The following ATXN10 variants were observed in gnomAD, a reference collection of about 807,000 sequenced individuals.
ATXN10 encodes ataxin 10.
In ATXN10, 28 loss-of-function variants were observed where a neutral mutation model predicts 52.9. The ratio of observed to expected loss-of-function variants is 0.53; its 90% CI spans 0.39 to 0.73. The LOEUF (loss-of-function observed/expected upper bound fraction) is 0.73, where lower values mean the gene tolerates loss of function less well. Ranked by LOEUF, ATXN10 falls within the 30% of genes least tolerant of loss-of-function variation. The pLI is 0.00. For missense variants in ATXN10, 565 were observed against 577.0 expected, an observed-to-expected ratio of 0.98 and a Z score of 0.21; for synonymous variants, 226 against 221.5, an observed-to-expected ratio of 1.02 and a Z score of -0.18.
In ATXN10 at chr22:45,689,836, A is replaced by G; in HGVS notation, c.241A>G (p.Ile81Val). 1 of 1,614,232 alleles carries G rather than the reference A, an allele frequency of 6.2e-7. No homozygotes were observed. Among genetic ancestry groups the G allele is most frequent in the Non-Finnish European group, 8.5e-7 (1 of 1,180,034 alleles). The change falls in exon 2 of 12, where the codon ATA becomes GTA. Residue 81 changes from isoleucine (I) to valine (V), a missense_variant. Transcript: ENST00000252934. ...VENLASSLQL[I>V]TECFRCLRNA... ...AAACCTGGCTTCCAGTCTGCAGTTA[A>G]TAACAGAATGCTTCAGGTGTCTTCG...
At chr22:45,700,062 T>C (rs1457428963) in intron 3 of ATXN10, among the ~76,000 whole-genome samples, 1 of 152,160 alleles carries the variant, frequency 6.6e-6, no homozygotes, top group African/African-American at 2.4e-5. Flanking sequence ...TCCACCCGCC[T>C]TGGCCTCCCA....
intron 9 of ATXN10, among the ~76,000 whole-genome samples, chr22:45,749,956 A>G (rs138059214): frequency 2.6e-5 from 4 of 152,322 alleles, no homozygotes; most frequent in Middle Eastern, 3.4e-3. Context: ...TACTGTAGAC[A>G]CAGAAAGGGA....
intron 1 of ATXN10, among the ~76,000 whole-genome samples, chr22:45,687,599 C>A (rs1040487221): frequency 5.3e-5 from 8 of 152,176 alleles, no homozygotes; most frequent in African/African-American, 1.7e-4. Flanking sequence ...TAATAAATGG[C>A]TTCAAAACTT....
Position 45,766,874 on chromosome 22 carries a change from G to C in ATXN10, c.1173+26336G>C, listed in dbSNP as rs759708885. ...AAAAGATATGAATAGACAGTTTACA[G>C]AAAAACGCAAAGGTGAAACAGTGCT... is the stretch of plus-strand genomic sequence containing the variant. On this transcript the variant is annotated intron_variant, in intron 9 of 11. Coordinates refer to ENST00000252934, the MANE Select transcript of ATXN10 (RefSeq NM_013236.4). The surrounding 1 kb of genome is among the most constrained non-coding windows in gnomAD (Gnocchi z 4.6). Among the ~76,000 whole-genome samples the C allele has an allele frequency of 8.5e-5, 13 of 152,262 alleles. No homozygotes were observed. Among genetic ancestry groups the C allele is most frequent in the Non-Finnish European group, 1.9e-4 (13 of 68,006 alleles).
At position 45,825,477 on chromosome 22, in the gene ATXN10, C is replaced by T. The variant is rs868351872; in HGVS notation, c.1238-17514C>T. Among the ~76,000 whole-genome samples the T allele has an allele frequency of 2.0e-5, 3 of 152,124 alleles. No homozygotes were observed. The highest frequency in any genetic ancestry group is 2.9e-5 in the Non-Finnish European group (2 of 68,030). ...CTGAGAAGATCTTAAATTTACACCT[C>T]AGGCTTATCCTTGGCACAGAGACAG... On this transcript the variant is annotated intron_variant, in intron 10 of 11. Coordinates refer to ENST00000252934, the MANE Select transcript of ATXN10 (RefSeq NM_013236.4). This position sits in a 1 kb window ranked among gnomAD's most constrained non-coding sequence, Gnocchi z 4.5.
intron 2 of ATXN10, among the ~76,000 whole-genome samples, chr22:45,691,622 G>A (rs1465357564): frequency 2.0e-5 from 3 of 152,220 alleles, no homozygotes; most frequent in Non-Finnish European, 4.4e-5. Context: ...TGGGCCAGGC[G>A]CGGTGGCTCA....
At position 45,824,294 on chromosome 22, in the gene ATXN10, T is replaced by C. The variant is rs1928749070; in HGVS notation, c.1237+17272T>C. Among the ~76,000 whole-genome samples, 1 of 152,230 alleles carries C rather than the reference T, an allele frequency of 6.6e-6. No homozygotes were observed. Among genetic ancestry groups the C allele is most frequent in the African/African-American group, 2.4e-5 (1 of 41,452 alleles). ...AACTCCTACTCACCTTTGAGTTTGA[T>C]TTAAATATTATTTATTTAAGATAAG... On this transcript the variant is annotated intron_variant, in intron 10 of 11. Coordinates refer to ENST00000252934, the MANE Select transcript of ATXN10 (RefSeq NM_013236.4). The surrounding 1 kb of genome is among the most constrained non-coding windows in gnomAD (Gnocchi z 5.2).
At chr22:45,672,295 G>C in intron 1 of ATXN10, 116 bp downstream of exon 1, 2 of 1,112,012 alleles carry the variant, frequency 1.8e-6, no homozygotes, top group Non-Finnish European at 2.2e-6. Context: ...CGGAGGGCGA[G>C]GCCTGCGCGG....
chr22:45,674,089 T>C (rs1922585412), intron 1 of ATXN10: 1 of 152,014 alleles, frequency 6.6e-6, no homozygotes, highest in African/African-American at 2.4e-5. Context: ...CCGCCTCCAT[T>C]GTGGGGAATA....
chr22:45,764,250 T>TC (rs1926505209), intron 9 of ATXN10, among the ~76,000 whole-genome samples: 1 of 106,962 alleles, frequency 9.3e-6, no homozygotes, highest in Non-Finnish European at 1.9e-5. Context: ...CCACCCCCAC[T>TC]CCCACTCAGG....
intron 10 of ATXN10, among the ~76,000 whole-genome samples, chr22:45,817,872 A>G (rs573651404): frequency 6.6e-6 from 1 of 152,130 alleles, no homozygotes; most frequent in East Asian, 1.9e-4. Context: ...AACTGCCTCC[A>G]CTACACAGAT....
At chr22:45,838,977 G>C (rs1029453061) in intron 10 of ATXN10, among the ~76,000 whole-genome samples, 2 of 152,266 alleles carry the variant, frequency 1.3e-5, no homozygotes, top group Non-Finnish European at 2.9e-5. Flanking sequence ...TGCTCACTTA[G>C]AGGGGGCAGT....
rs1928607828 is a variant in ATXN10, at chr22:45,820,401, G to C, written c.1237+13379G>C. On this transcript the variant is annotated intron_variant, in intron 10 of 11. Coordinates refer to ENST00000252934, the MANE Select transcript of ATXN10 (RefSeq NM_013236.4). The surrounding 1 kb of genome is among the most constrained non-coding windows in gnomAD (Gnocchi z 4.9). ...CTACTCAGAGGCTCTGACCCAACCT[G>C]CACATCTCTCATTTGTGTTTCTTCT... 6.6e-6 allele frequency among the ~76,000 whole-genome samples: 1 copy of C among 152,160 alleles called. No individual in the cohort carries two copies. The highest frequency in any genetic ancestry group is 1.5e-5 in the Non-Finnish European group (1 of 68,024).
chr22:45,689,021 C>A (rs1303166733), intron 1 of ATXN10, among the ~76,000 whole-genome samples: 1 of 152,070 alleles, frequency 6.6e-6, no homozygotes, highest in Non-Finnish European at 1.5e-5. Context: ...ACCACAGGTT[C>A]ATCTTTCTCC....
rs908282947 is a variant in ATXN10, at chr22:45,762,603, G to T, written c.1173+22065G>T. ...GGCTGAAGGGAAGCTGGGCAAGAGT[G>T]TATGTGTTTAGGCCACAGGGAGAGC... On this transcript the variant is annotated intron_variant, in intron 9 of 11. Transcript: ENST00000252934. This position sits in a 1 kb window ranked among gnomAD's most constrained non-coding sequence, Gnocchi z 4.3. 6.6e-6 allele frequency among the ~76,000 whole-genome samples: 1 copy of T among 152,190 alleles called. No homozygotes were observed. The highest frequency in any genetic ancestry group is 6.5e-5 in the Admixed American group (1 of 15,284).
At position 45,818,792 on chromosome 22, in the gene ATXN10, A is replaced by G. The variant is rs552634448; in HGVS notation, c.1237+11770A>G. Among the ~76,000 whole-genome samples, 4 of 152,280 alleles carry G rather than the reference A, an allele frequency of 2.6e-5. No individual in the cohort carries two copies. In the South Asian group the frequency reaches 8.3e-4, roughly 32 times the overall value. ...TGCTGTTAATGTTCTAAGGGCCACC[A>G]TGTAACATTTATTTGAAAACAGAAA... On this transcript the variant is annotated intron_variant, in intron 10 of 11. Coordinates refer to ENST00000252934, the MANE Select transcript of ATXN10 (RefSeq NM_013236.4). This position sits in a 1 kb window ranked among gnomAD's most constrained non-coding sequence, Gnocchi z 4.6.
At chr22:45,765,186 A>G (rs1459330296) in intron 9 of ATXN10, among the ~76,000 whole-genome samples, 1 of 152,146 alleles carries the variant, frequency 6.6e-6, no homozygotes, top group East Asian at 1.9e-4. Context: ...CCTAGAAGCC[A>G]CTTCTTCCCC....
intron 9 of ATXN10, chr22:45,793,668 C>T (rs751363029): frequency 1.4e-6 from 2 of 1,425,266 alleles, no homozygotes; most frequent in African/African-American, 2.9e-5. Context: ...GGTGCCACAG[C>T]ATCTCAAGAG....
rs1406997448 is a variant in ATXN10, at chr22:45,733,883, T to C, written c.894+4293T>C. ...CTTTTTTTGTATATACACACCTATA[T>C]GTTTTTTGTTTTCATTTTTTGCACT... On this transcript the variant is annotated intron_variant, in intron 7 of 11. Transcript: ENST00000252934. This position sits in a 1 kb window ranked among gnomAD's most constrained non-coding sequence, Gnocchi z 4.4. Among the ~76,000 whole-genome samples the C allele has an allele frequency of 6.6e-6, 1 of 152,118 alleles. No homozygotes were observed. The highest frequency in any genetic ancestry group is 1.5e-5 in the Non-Finnish European group (1 of 68,032).
Sources: gnomAD v4.1 joint callset for allele counts (sites outside exome capture counted in the v4.1 genomes callset) on GRCh38, gnomAD v4.1.1 for gene constraint, Gnocchi (gnomAD v3.1) non-coding constraint, MANE v1.5 for transcripts, NCBI Gene and HGNC (gene_info 2026-07-23, HGNC 2026-07-21) for gene names.